The following TDRD5 variants were observed in gnomAD, a reference collection of about 807,000 sequenced individuals.
TDRD5 encodes the protein tudor domain-containing protein 5.
In TDRD5, 41 loss-of-function variants were observed where a neutral mutation model predicts 120.6. The ratio of observed to expected loss-of-function variants is 0.34; its 90% CI spans 0.26 to 0.44. TDRD5 has a LOEUF of 0.44. Ranked by LOEUF, TDRD5 falls within the 20% of genes least tolerant of loss-of-function variation. The probability of loss-of-function intolerance (pLI) is 1.00; values close to 1 mark genes in which losing one functional copy is unlikely to be tolerated. For synonymous variants in TDRD5, 430 were observed against 433.7 expected (o/e 0.99, Z 0.11); for missense variants, 1,006 against 1,221.2 (o/e 0.82, Z 2.63).
At chr1:179,633,788 G>A (rs918988137) in intron 7 of TDRD5, among the ~76,000 whole-genome samples, 3 of 152,104 alleles carry the variant, frequency 2.0e-5, no homozygotes, top group Non-Finnish European at 2.9e-5. Context: ...TACAGTCTAC[G>A]TTAAGCAACA....
intron 7 of TDRD5, among the ~76,000 whole-genome samples, chr1:179,633,114 A>C (rs574321322): frequency 6.6e-6 from 1 of 152,094 alleles, no homozygotes; most frequent in Non-Finnish European, 1.5e-5. Flanking sequence ...GCAAATCCTC[A>C]TTTCTTACAC....
chr1:179,633,340 G>A (rs973625782), intron 7 of TDRD5, among the ~76,000 whole-genome samples: 2 of 151,564 alleles, frequency 1.3e-5, no homozygotes, highest in Admixed American at 6.6e-5. Context: ...CACCATGCTT[G>A]TAGGTCTGTC....
In TDRD5 at chr1:179,605,126, G is replaced by A. The variant is rs144748896; in HGVS notation, c.831+9308G>A. On this transcript the variant is annotated intron_variant, in intron 4 of 17. Coordinates refer to ENST00000444136, the MANE Select transcript of TDRD5 (RefSeq NM_001199085.3). ...ACAAGGCCCTTTACCATTATATAAT[G>A]TCCCTCTTTGTCTCTTTTAACTGCT... 3.8e-3 allele frequency among the ~76,000 whole-genome samples: 571 copies of A among 152,214 alleles called. 2 individuals carry two copies. The highest frequency in any genetic ancestry group is 0.01 in the Middle Eastern group (3 of 294).
Position 179,595,766 on chromosome 1 carries a change from A to G in TDRD5, c.779A>G (p.Lys260Arg), listed in dbSNP as rs751152748. Residue 260 changes from lysine (K) to arginine (R), a missense_variant, in exon 4 of 18, where the codon AAG becomes AGG. Around this residue, in one of 3 missense-constraint regions of TDRD5, gnomAD observed 445 missense variants for 515.5 expected, o/e 0.86. Coordinates refer to ENST00000444136, the MANE Select transcript of TDRD5 (RefSeq NM_001199085.3). ...KQIMSMEKTSKLNVVETSRLN... is the reference protein window; with the variant it reads ...KQIMSMEKTSRLNVVETSRLN... ...ATAATGAGCATGGAAAAGACTTCCA[A>G]GTTAAATGTAGTGGAGACTTCAAGA... 4.3e-6 allele frequency: 7 copies of G among 1,613,742 alleles called. No homozygotes were observed. The African/African-American group carries it at 6.7e-5, about 15-fold the overall frequency.
intron 9 of TDRD5, among the ~76,000 whole-genome samples, chr1:179,637,953 A>G (rs1053660674): frequency 6.6e-6 from 1 of 152,234 alleles, no homozygotes; most frequent in Non-Finnish European, 1.5e-5. Flanking sequence ...TTGCGAGTCA[A>G]GGAGGTTATG....
intron 4 of TDRD5, among the ~76,000 whole-genome samples, chr1:179,604,341 G>C (rs1675864851): frequency 6.6e-6 from 1 of 151,796 alleles, no homozygotes; most frequent in African/African-American, 2.4e-5. Context: ...TTTGCTTCAT[G>C]TATCTTTTGT....
At chr1:179,624,258 T>TTTTAATTGTG (rs1456454179) in intron 6 of TDRD5, among the ~76,000 whole-genome samples, 1 of 152,128 alleles carries the variant, frequency 6.6e-6, no homozygotes, top group Non-Finnish European at 1.5e-5. Flanking sequence ...CTCAGAAAAC[T>TTTTAATTGTG]AGGAATAGAA....
intron 4 of TDRD5, among the ~76,000 whole-genome samples, chr1:179,599,428 C>T (rs1308498942): frequency 6.6e-6 from 1 of 151,348 alleles, no homozygotes; most frequent in African/African-American, 2.4e-5. Flanking sequence ...TTAAATATTT[C>T]ATAGGATTTA....
At chr1:179,606,618 G>A (rs1166913911) in intron 4 of TDRD5, among the ~76,000 whole-genome samples, 3 of 152,138 alleles carry the variant, frequency 2.0e-5, no homozygotes, top group African/African-American at 7.2e-5. Flanking sequence ...TGTGAAGGGT[G>A]TAAGGTCTAG....
At position 179,611,591 on chromosome 1, in the gene TDRD5, CA is replaced by C. The variant is rs201375320; in HGVS notation, c.832-7000del. Reference sequence around the variant, plus strand: ...AATTTATTGTGCTGACTAAAAGTTCCAAAAAAAATTAATTATAATGTATATT... The same window carrying C: ...AATTTATTGTGCTGACTAAAAGTTCCAAAAAAATTAATTATAATGTATATT... On this transcript the variant is annotated intron_variant, in intron 4 of 17. Coordinates refer to ENST00000444136, the MANE Select transcript of TDRD5 (RefSeq NM_001199085.3). Among the ~76,000 whole-genome samples, 420 of 151,662 alleles carry C rather than the reference CA, an allele frequency of 2.8e-3. 3 individuals are homozygous for C. Among genetic ancestry groups the C allele is most frequent in the African/African-American group, 9.6e-3 (397 of 41,386 alleles).
chr1:179,676,256 C>T (rs1295016075), intron 17 of TDRD5, among the ~76,000 whole-genome samples: 4 of 152,112 alleles, frequency 2.6e-5, no homozygotes, highest in East Asian at 1.9e-4. Flanking sequence ...ATGTGTTAGG[C>T]AAGTCTCCTG....
At chr1:179,651,118 G>A (rs6682666) in intron 12 of TDRD5, 51 bp downstream of exon 12, 574,845 of 1,569,720 alleles carry the variant, frequency 0.37, 106,834 homozygotes, top group Admixed American at 0.45. Context: ...ATTTCACCAC[G>A]TCAAGGTATA....
At chr1:179,612,019 A>G (rs1006201819) in intron 4 of TDRD5, among the ~76,000 whole-genome samples, 17 of 152,158 alleles carry the variant, frequency 1.1e-4, no homozygotes, top group African/African-American at 3.9e-4. Context: ...CATTTCTTCA[A>G]AACTGTAGAT....
At chr1:179,661,214 A>G (rs528229452) in intron 14 of TDRD5, among the ~76,000 whole-genome samples, 32 of 152,098 alleles carry the variant, frequency 2.1e-4, no homozygotes, top group Non-Finnish European at 3.8e-4. Flanking sequence ...CTGTAGATTT[A>G]TGTCTTTCAC....
intron 17 of TDRD5, among the ~76,000 whole-genome samples, chr1:179,686,029 T>G (rs1305642552): frequency 6.6e-6 from 1 of 152,164 alleles, no homozygotes; most frequent in Non-Finnish European, 1.5e-5. Context: ...CTGAATACCC[T>G]TTCTTTCTTT....
At chr1:179,616,409 T>C (rs563717248) in intron 4 of TDRD5, among the ~76,000 whole-genome samples, 2 of 152,226 alleles carry the variant, frequency 1.3e-5, no homozygotes, top group South Asian at 2.1e-4. Flanking sequence ...TCCCTTCTTT[T>C]TCTATTCTCT....
rs766010913 is a variant in TDRD5 at position 179,639,964 on chromosome 1, G to A, written c.1646G>A (p.Arg549Gln). ...TGGTGGTATCGGGTCATTATCCATC[G>A]AGTCCTTGAGAAACAGGAAGTTGAA... ...DKWWYRVIIHRVLEKQEVEVF... is the reference protein window; with the variant it reads ...DKWWYRVIIHQVLEKQEVEVF... Residue 549 changes from arginine to glutamine, a missense_variant, in exon 10 of 18, where the codon CGA becomes CAA. By Grantham distance (43) the Arg-to-Gln change is conservative. Around this residue, in one of 3 missense-constraint regions of TDRD5, gnomAD observed 158 missense variants for 257.5 expected, o/e 0.61. Transcript: ENST00000444136. The A allele has an allele frequency of 5.0e-6, 8 of 1,613,976 alleles. No homozygotes were observed. Among genetic ancestry groups the A allele is most frequent in the East Asian group, 4.5e-5 (2 of 44,886 alleles).
At chr1:179,614,180 T>G (rs1676438478) in intron 4 of TDRD5, among the ~76,000 whole-genome samples, 1 of 152,228 alleles carries the variant, frequency 6.6e-6, no homozygotes, top group African/African-American at 2.4e-5. Flanking sequence ...TCTTATCACA[T>G]GAAAATTTGA....
intron 6 of TDRD5, among the ~76,000 whole-genome samples, chr1:179,627,003 A>T (rs1677164493): frequency 6.6e-6 from 1 of 152,182 alleles, no homozygotes; most frequent in South Asian, 2.1e-4. Context: ...AAAAGAAAAA[A>T]ATTTTTCTGG....
Sources: allele counts gnomAD v4.1 joint callset (sites outside exome capture counted in the v4.1 genomes callset), GRCh38; gene constraint gnomAD v4.1.1; regional missense constraint gnomAD v4.1.1; transcripts MANE v1.5; gene names NCBI Gene and HGNC (gene_info 2026-07-23, HGNC 2026-07-21).